Variants in ADAM22 observed in about 807,000 individuals in gnomAD.
ADAM22 encodes the protein ADAM metallopeptidase domain 22, also known as disintegrin and metalloproteinase domain-containing protein 22.
Under a neutral mutation model 144.6 loss-of-function variants are expected in ADAM22, and 65 were observed. The observed-to-expected ratio is 0.45, with a 90% CI of 0.37 to 0.55. The LOEUF (loss-of-function observed/expected upper bound fraction) is 0.55. ADAM22 is among the 20% of genes least tolerant of loss of function. ADAM22 has a pLI of 0.00. For synonymous variants in ADAM22, 391 were observed against 412.6 expected (o/e 0.95, Z 0.63); for missense variants, 974 against 1,184.9 (o/e 0.82, Z 2.61).
At chr7:88,123,319 A>C (rs1371284487) in intron 7 of ADAM22, among the ~76,000 whole-genome samples, 2 of 151,942 alleles carry the variant, frequency 1.3e-5, no homozygotes, top group Non-Finnish European at 2.9e-5. Context: ...GTTGGTGTAA[A>C]AGTGGTATTA....
At chr7:88,111,678 C>T (rs991164465) in intron 5 of ADAM22, among the ~76,000 whole-genome samples, 8 of 151,986 alleles carry the variant, frequency 5.3e-5, no homozygotes, top group East Asian at 3.9e-4. Flanking sequence ...TGGTCTGTGA[C>T]GACTTGGTCT....
chr7:88,192,166 C>G (rs551976865), intron 30 of ADAM22, among the ~76,000 whole-genome samples: 22 of 152,306 alleles, frequency 1.4e-4, no homozygotes, highest in Admixed American at 1.0e-3. Context: ...AACACTTTTG[C>G]TATAAGGTGG....
chr7:87,937,051 G>A (rs1237664219), intron 2 of ADAM22, among the ~76,000 whole-genome samples: 1 of 152,076 alleles, frequency 6.6e-6, no homozygotes, highest in Non-Finnish European at 1.5e-5. Context: ...GACCTCTTGG[G>A]CCCCAGTGAT....
chr7:88,054,846 C>A (rs985969687), intron 3 of ADAM22, among the ~76,000 whole-genome samples: 1 of 151,772 alleles, frequency 6.6e-6, no homozygotes, highest in African/African-American at 2.4e-5. Context: ...TTAGATAGGG[C>A]CTTAGTGATC....
At chr7:88,072,049 T>C (rs1812977444) in intron 3 of ADAM22, among the ~76,000 whole-genome samples, 1 of 152,194 alleles carries the variant, frequency 6.6e-6, no homozygotes, top group African/African-American at 2.4e-5. Flanking sequence ...GTAAAGATTT[T>C]ATGGTTTAGT....
intron 2 of ADAM22, among the ~76,000 whole-genome samples, chr7:87,969,531 C>T (rs1408968019): frequency 6.6e-6 from 1 of 152,170 alleles, no homozygotes; most frequent in Non-Finnish European, 1.5e-5. Context: ...CTGGTATGAT[C>T]AGCACTCTAA....
intron 31 of ADAM22, among the ~76,000 whole-genome samples, chr7:88,195,063 C>A (rs1375662563): frequency 6.6e-6 from 1 of 152,160 alleles, no homozygotes; most frequent in Non-Finnish European, 1.5e-5. Context: ...TCTACTTACT[C>A]ACTTGGCTTT....
At chr7:88,019,691 A>G (rs946377015) in intron 3 of ADAM22, among the ~76,000 whole-genome samples, 1 of 151,824 alleles carries the variant, frequency 6.6e-6, no homozygotes, top group African/African-American at 2.4e-5. Context: ...CTACTTAAAA[A>G]TTACAAAAAT....
At chr7:87,965,538 A>G (rs1420317462) in intron 2 of ADAM22, among the ~76,000 whole-genome samples, 2 of 152,208 alleles carry the variant, frequency 1.3e-5, no homozygotes, top group African/African-American at 2.4e-5. Flanking sequence ...TGTTTCCCAA[A>G]GGAAATGCTA....
Position 88,196,554 on chromosome 7 carries a change from C to T in ADAM22, c.*63C>T. The T allele has an allele frequency of 1.3e-6, 2 of 1,545,772 alleles. No individual in the cohort carries two copies. The highest frequency in any genetic ancestry group is 1.8e-6 in the Non-Finnish European group (2 of 1,119,012). Reference sequence around the variant, plus strand: ...ACTTCAACTTTTATAGAAACCCAGGCTCATGGAATCACTGCAAATCTATCT... The same window carrying T: ...ACTTCAACTTTTATAGAAACCCAGGTTCATGGAATCACTGCAAATCTATCT... On this transcript the variant is annotated 3_prime_UTR_variant, in exon 32 of 32. Transcript: ENST00000413139.
chr7:88,038,699 C>T (rs924595534), intron 3 of ADAM22, among the ~76,000 whole-genome samples: 3 of 151,730 alleles, frequency 2.0e-5, no homozygotes, highest in East Asian at 1.9e-4. Flanking sequence ...GTGATCCGCC[C>T]GTCTCGGCCT....
chr7:88,189,639 C>T (rs567584668), intron 30 of ADAM22, among the ~76,000 whole-genome samples: 92 of 152,218 alleles, frequency 6.0e-4, no homozygotes, highest in African/African-American at 2.1e-3. Context: ...TCTCTTAGTA[C>T]ACTTAACAAA....
chr7:88,195,415 G>C (rs1487518248), intron 31 of ADAM22, among the ~76,000 whole-genome samples: 1 of 152,208 alleles, frequency 6.6e-6, no homozygotes, highest in Non-Finnish European at 1.5e-5. Flanking sequence ...AAAGCAAGGA[G>C]AGGGTAAGAG....
At chr7:87,989,419 T>G in intron 3 of ADAM22, among the ~76,000 whole-genome samples, 1 of 152,152 alleles carries the variant, frequency 6.6e-6, no homozygotes, top group Non-Finnish European at 1.5e-5. Context: ...GATGGGGTCT[T>G]GCTATGTTGT....
At chr7:88,161,627 AC>A (rs1841664319) in intron 22 of ADAM22, among the ~76,000 whole-genome samples, 1 of 152,138 alleles carries the variant, frequency 6.6e-6, no homozygotes, top group Non-Finnish European at 1.5e-5. Flanking sequence ...AGAAAAAACA[AC>A]CCCATTAAAA....
chr7:87,935,209 T>TGGTC (rs765647786), intron 2 of ADAM22, 23 bp downstream of exon 2: 1 of 1,558,764 alleles, frequency 6.4e-7, no homozygotes, highest in East Asian at 2.3e-5. Context: ...GTCCGGGAGG[T>TGGTC]GGTCCTCCGC....
chr7:88,071,619 G>A (rs546572194), intron 3 of ADAM22, among the ~76,000 whole-genome samples: 1 of 152,072 alleles, frequency 6.6e-6, no homozygotes, highest in South Asian at 2.1e-4. Flanking sequence ...TCATTATTAT[G>A]ACTGAAAATG....
intron 2 of ADAM22, among the ~76,000 whole-genome samples, chr7:87,957,311 C>T (rs1282773010): frequency 6.6e-6 from 1 of 152,102 alleles, no homozygotes; most frequent in Non-Finnish European, 1.5e-5. Context: ...TGTGAGGGTG[C>T]TTGTAAAACT....
At chr7:88,037,878 G>A (rs1801898279) in intron 3 of ADAM22, among the ~76,000 whole-genome samples, 1 of 152,132 alleles carries the variant, frequency 6.6e-6, no homozygotes. Flanking sequence ...CTTTCAGTGG[G>A]AAACTTTGTG....
Sources: allele counts gnomAD v4.1 joint callset (sites outside exome capture counted in the v4.1 genomes callset), GRCh38; gene constraint gnomAD v4.1.1; transcripts MANE v1.5; gene names NCBI Gene and HGNC (gene_info 2026-07-23, HGNC 2026-07-21).